Variants in RIC3 observed in about 807,000 individuals in gnomAD.
RIC3 encodes the protein protein RIC-3.
A neutral mutation model predicts 27.3 loss-of-function variants in RIC3; 28 were observed. The ratio of observed to expected loss-of-function variants is 1.02; its 90% confidence interval spans 0.76 to 1.41. RIC3 has a LOEUF of 1.41. Among genes scored for constraint, RIC3 ranks in the 40% most tolerant of loss-of-function variants. The probability of loss-of-function intolerance (pLI) is 0.00; values close to 1 mark genes in which losing one functional copy is unlikely to be tolerated. For missense variants in RIC3, 501 were observed against 444.7 expected (o/e 1.13, Z -1.14); for synonymous variants, 184 against 160.4 (o/e 1.15, Z -1.11).
At chr11:8,096,734 G>A in the RIC3 span, 2 of 1,614,082 alleles carry the variant, frequency 1.2e-6, no homozygotes, top group Non-Finnish European at 1.7e-6. Context: ...ATGAGGAGGA[G>A]AATAGCTCCA....
At chr11:8,105,165 T>C (rs1564933706), downstream of RIC3, 1 of 152,232 alleles carries the variant, frequency 6.6e-6, no homozygotes, top group Admixed American at 6.5e-5. Context: ...GGTTTTCTCT[T>C]ACTGCAGTAA....
At chr11:8,101,672 C>T (rs1040787371), downstream of RIC3, 42 of 1,599,278 alleles carry the variant, frequency 2.6e-5, no homozygotes, top group Non-Finnish European at 3.5e-5. Context: ...GCTTGCCTGC[C>T]TGCCTGTGGA....
chr11:8,132,221 A>G (rs1947824928), intron 4 of RIC3, among the ~76,000 whole-genome samples: 1 of 152,162 alleles, frequency 6.6e-6, no homozygotes. Context: ...TTCTTCCATT[A>G]GGTCCCCTTA....
At chr11:8,162,307 C>A (rs1319871745) in intron 1 of RIC3, among the ~76,000 whole-genome samples, 1 of 152,230 alleles carries the variant, frequency 6.6e-6, no homozygotes, top group Non-Finnish European at 1.5e-5. Flanking sequence ...TTTTCTGTCA[C>A]TTGTCACAAG....
At position 8,140,081 on chromosome 11, in the gene RIC3, G is replaced by C; in HGVS notation, c.237C>G (p.Ala79=). The change falls in exon 2 of 6, where the codon GCC becomes GCG. Residue 79 remains alanine (A), a synonymous_variant. Transcript: ENST00000309737. ...RSHLAEAFAK[A]KGSGGGAGGG... is the part of the protein sequence containing the mutation. The stretch of plus-strand genomic sequence containing the variant: ...CTCCAGCACCTCCACCTGATCCTTT[G>C]GCCTTTGCAAATGCCTCGGCAAGGT... The C allele has an allele frequency of 6.2e-7, 1 of 1,613,918 alleles. No homozygotes were observed. The highest frequency in any genetic ancestry group is 8.5e-7 in the Non-Finnish European group (1 of 1,179,990).
intron 5 of RIC3, among the ~76,000 whole-genome samples, chr11:8,122,860 T>A (rs1946605850): frequency 1.2e-4 from 9 of 77,998 alleles, no homozygotes; most frequent in Admixed American, 2.0e-4. Flanking sequence ...ACCTACCAGG[T>A]ATGCAAAAAA....
chr11:8,113,884 G>C (rs559471983), intron 5 of RIC3, among the ~76,000 whole-genome samples: 5 of 152,264 alleles, frequency 3.3e-5, no homozygotes, highest in African/African-American at 1.2e-4. Flanking sequence ...GCCAATCTCT[G>C]AAGACCCAGG....
At chr11:8,119,118 A>C (rs1946183392) in intron 5 of RIC3, among the ~76,000 whole-genome samples, 1 of 152,234 alleles carries the variant, frequency 6.6e-6, no homozygotes, top group East Asian at 1.9e-4. Context: ...ATTATAAAAG[A>C]AAATACCCTT....
rs138479136 is a variant in RIC3, at chr11:8,110,417, C to T, written c.*281G>A. On this transcript the variant is annotated 3_prime_UTR_variant, in exon 6 of 6. Coordinates refer to ENST00000309737, the MANE Select transcript of RIC3 (RefSeq NM_001206671.4). ...CCCTGAGTGGTCCCATCTGTAATTA[C>T]AATAGACCAAACATAATTACTTAAT... 1 of 506,180 alleles carries T rather than the reference C, an allele frequency of 2.0e-6. No homozygotes were observed. Among genetic ancestry groups the T allele is most frequent in the African/African-American group, 1.9e-5 (1 of 51,956 alleles). 31.4% of individuals were successfully genotyped at this position (506,180 alleles called of 1,614,324 possible). A position where few individuals can be genotyped will look rare whatever the true frequency, so the allele number is the denominator to read the frequency against.
intron 4 of RIC3, among the ~76,000 whole-genome samples, chr11:8,127,920 T>C (rs1394220483): frequency 6.6e-6 from 1 of 152,176 alleles, no homozygotes; most frequent in African/African-American, 2.4e-5. Flanking sequence ...AACATGAAGA[T>C]AGTAACTGAG....
chr11:8,159,236 C>G (rs1414784522), intron 1 of RIC3, among the ~76,000 whole-genome samples: 1 of 152,094 alleles, frequency 6.6e-6, no homozygotes, highest in Admixed American at 6.5e-5. Flanking sequence ...AAAAGAAGAG[C>G]ATTTCAAACA....
At chr11:8,166,752 T>C (rs913132650) in intron 1 of RIC3, among the ~76,000 whole-genome samples, 14 of 152,056 alleles carry the variant, frequency 9.2e-5, no homozygotes, top group African/African-American at 3.4e-4. Context: ...CATGGTGGCA[T>C]GTGCCTGTAG....
chr11:8,147,724 A>AT (rs900780947), intron 1 of RIC3, among the ~76,000 whole-genome samples: 1,864 of 124,494 alleles, frequency 0.015, 32 homozygotes, highest in African/African-American at 0.033. Flanking sequence ...CTTGCGTAAG[A>AT]TTTTTTTTTT....
In RIC3 at chr11:8,156,066, C is replaced by T. The variant is rs531710048; in HGVS notation, c.124+12800G>A. 1.6e-4 allele frequency among the ~76,000 whole-genome samples: 25 copies of T among 152,314 alleles called. No homozygotes were observed. The South Asian group carries it at 5.2e-3, about 32-fold the overall frequency. On this transcript the variant is annotated intron_variant, in intron 1 of 5. Transcript: ENST00000309737. ...ATCAACCTCTCCATTCTCAATCCAT[C>T]CTATATATTACTAAAAGAGATCATT...
At chr11:8,134,046 G>A (rs1948067848) in intron 4 of RIC3, among the ~76,000 whole-genome samples, 1 of 151,574 alleles carries the variant, frequency 6.6e-6, no homozygotes, top group East Asian at 1.9e-4. Flanking sequence ...TGCACAATGT[G>A]CTGGTTTGTT....
At chr11:8,141,101 G>T (rs1056910829) in intron 1 of RIC3, among the ~76,000 whole-genome samples, 4 of 149,046 alleles carry the variant, frequency 2.7e-5, no homozygotes, top group African/African-American at 1.0e-4. Context: ...AGACCATCGA[G>T]ACTAGGAAGA....
chr11:8,114,690 C>G (rs1359088253), intron 5 of RIC3, among the ~76,000 whole-genome samples: 1 of 150,392 alleles, frequency 6.6e-6, no homozygotes, highest in Admixed American at 6.6e-5. Flanking sequence ...TTTAAGGAAA[C>G]TCAGCGAACT....
At chr11:8,105,111 C>T (rs767351631), downstream of RIC3, 4 of 152,180 alleles carry the variant, frequency 2.6e-5, no homozygotes, top group Non-Finnish European at 4.4e-5. Flanking sequence ...ATTTCCATGG[C>T]TCTGTTATGC....
In RIC3 at chr11:8,144,024, C is replaced by T. The variant is rs549291174; in HGVS notation, c.125-3831G>A. ...CCTTCCTTACACCTTATACAAAAAT[C>T]AATTCAAGATGGATTAAAGCCTTAA... On this transcript the variant is annotated intron_variant, in intron 1 of 5. Coordinates refer to ENST00000309737, the MANE Select transcript of RIC3 (RefSeq NM_001206671.4). 6.3e-3 allele frequency among the ~76,000 whole-genome samples: 966 copies of T among 152,178 alleles called. 19 individuals carry two copies. Among genetic ancestry groups the T allele is most frequent in the Admixed American group, 0.051 (771 of 15,262 alleles).
Sources: allele counts gnomAD v4.1 joint callset (sites outside exome capture counted in the v4.1 genomes callset), GRCh38; gene constraint gnomAD v4.1.1; transcripts MANE v1.5; gene names NCBI Gene and HGNC (gene_info 2026-07-23, HGNC 2026-07-21).